The following MRPL50 variants were observed in gnomAD, a reference collection of about 807,000 sequenced individuals.
MRPL50 encodes the protein mitochondrial ribosomal protein L50.
In MRPL50, 10 loss-of-function variants were observed where a neutral mutation model predicts 16.2. That is an observed-to-expected ratio of 0.62 (90% CI 0.38 to 1.05). The LOEUF (loss-of-function observed/expected upper bound fraction) is 1.05. MRPL50 is among the 50% of genes least tolerant of loss of function. The pLI is 0.01. For missense variants in MRPL50, 213 were observed against 187.1 expected, an observed-to-expected ratio of 1.14 and a Z score of -0.81; for synonymous variants, 68 against 66.8, an observed-to-expected ratio of 1.02 and a Z score of -0.09.
chr9:101,393,910 T>C (rs1182420151), intron 1 of MRPL50, among the ~76,000 whole-genome samples: 1 of 150,594 alleles, frequency 6.6e-6, no homozygotes, highest in Non-Finnish European at 1.5e-5. Context: ...ACCAATGACG[T>C]TCTTCACAGA....
In MRPL50 at chr9:101,390,294, T is replaced by C. The variant is rs1830252092; in HGVS notation, c.*172A>G. 7.6e-7 allele frequency: 1 copy of C among 1,313,570 alleles called. No individual in the cohort carries two copies. The highest frequency in any genetic ancestry group is 9.7e-7 in the Non-Finnish European group (1 of 1,031,806). The allele number at this position is 1,313,570 out of a possible 1,614,324, so 81.4% of individuals were successfully genotyped here. A position where few individuals can be genotyped will look rare whatever the true frequency, so the allele number is the denominator to read the frequency against. On this transcript the variant is annotated 3_prime_UTR_variant, in exon 2 of 2. Transcript: ENST00000374865. ...AATATGAAAATAGAAAGTCCGTTAT[T>C]TGTCCATTTGTAATATGAGAAAAAA... is the stretch of plus-strand genomic sequence containing the variant.
intron 1 of MRPL50, among the ~76,000 whole-genome samples, chr9:101,394,596 C>T (rs887825783): frequency 3.3e-5 from 5 of 152,158 alleles, no homozygotes; most frequent in Admixed American, 2.0e-4. Context: ...GCTGACTCTG[C>T]GTGAATTACT....
At chr9:101,393,350 C>T (rs187413736) in intron 1 of MRPL50, among the ~76,000 whole-genome samples, 10 of 152,166 alleles carry the variant, frequency 6.6e-5, no homozygotes, top group Non-Finnish European at 1.2e-4. Context: ...GTATTCAACA[C>T]AGAACTTGAA....
chr9:101,393,219 T>C (rs1313748328), intron 1 of MRPL50, among the ~76,000 whole-genome samples: 2 of 151,772 alleles, frequency 1.3e-5, no homozygotes, highest in Admixed American at 1.3e-4. Flanking sequence ...ATAATAAAGG[T>C]CATGCATGAC....
At position 101,390,838 on chromosome 9, in the gene MRPL50, C is replaced by A; in HGVS notation, c.105G>T (p.Glu35Asp). 6.3e-7 allele frequency: 1 copy of A among 1,593,118 alleles called. No individual in the cohort carries two copies. Among genetic ancestry groups the A allele is most frequent in the Admixed American group, 1.8e-5 (1 of 54,940 alleles). Residue 35 changes from glutamate to aspartate, a missense_variant, in exon 2 of 2, where the codon GAG becomes GAT. Coordinates refer to ENST00000374865, the MANE Select transcript of MRPL50 (RefSeq NM_019051.3). Reference sequence around the variant, plus strand: ...CTTCTACTGTCTCAACAACCACTGGCTCTTTCTCTTTTCTGGAATGATCAA... The same window carrying A: ...CTTCTACTGTCTCAACAACCACTGGATCTTTCTCTTTTCTGGAATGATCAA... Reference protein sequence around the residue: ...EFWSRFRKEKEPVVVETVEEK... With the variant: ...EFWSRFRKEKDPVVVETVEEK...
rs1264309359 is a variant in MRPL50, at chr9:101,389,956, A to C, written c.*510T>G. The C allele has an allele frequency of 6.7e-6, 6 of 897,414 alleles. No individual in the cohort carries two copies. The allele number at this position is 897,414 out of a possible 1,614,324, so 55.6% of individuals were successfully genotyped here. A position where few individuals can be genotyped will look rare whatever the true frequency, so the allele number is the denominator to read the frequency against. On this transcript the variant is annotated 3_prime_UTR_variant, in exon 2 of 2. Coordinates refer to ENST00000374865, the MANE Select transcript of MRPL50 (RefSeq NM_019051.3). ...AGCAAATTTCACTTAAAAAATTTAC[A>C]ACACACAATACACTTTAACAAATCT...
chr9:101,393,857 G>C (rs1830304832), intron 1 of MRPL50, among the ~76,000 whole-genome samples: 1 of 151,800 alleles, frequency 6.6e-6, no homozygotes, highest in African/African-American at 2.4e-5. Context: ...AAATGCTTAT[G>C]CTACCCAAAG....
At chr9:101,394,620 A>C (rs1219639214) in intron 1 of MRPL50, among the ~76,000 whole-genome samples, 1 of 152,126 alleles carries the variant, frequency 6.6e-6, no homozygotes, top group African/African-American at 2.4e-5. Context: ...TCTCCATTGC[A>C]ATTCCTCTGC....
In MRPL50 at chr9:101,392,683, T is replaced by C. The variant is rs1467766481; in HGVS notation, c.93-1833A>G. Among the ~76,000 whole-genome samples, 4 of 152,082 alleles carry C rather than the reference T, an allele frequency of 2.6e-5. No homozygotes were observed. In the South Asian group the frequency reaches 8.3e-4, roughly 31 times the overall value. On this transcript the variant is annotated intron_variant, in intron 1 of 1. Transcript: ENST00000374865. ...GCTTAAGACCTGATGGCTTCACTAC[T>C]GAACTCTAGCAAGCATTTAAAGAAG...
rs1830229550 is a variant in MRPL50 at position 101,388,527 on chromosome 9, A to T, written c.*1939T>A. 1 of 152,102 alleles carries T rather than the reference A, an allele frequency of 6.6e-6. No individual in the cohort carries two copies. The highest frequency in any genetic ancestry group is 2.1e-4 in the South Asian group (1 of 4,826). 9.4% of individuals were successfully genotyped at this position (152,102 alleles called of 1,614,324 possible). On this transcript the variant is annotated 3_prime_UTR_variant, in exon 2 of 2. Transcript: ENST00000374865. Reference sequence around the variant, plus strand: ...CATACAGCAGGCCTTCTGTATGTAAACCCTTTAAAATTACATCATATGTTT... The same window carrying T: ...CATACAGCAGGCCTTCTGTATGTAATCCCTTTAAAATTACATCATATGTTT...
intron 1 of MRPL50, among the ~76,000 whole-genome samples, chr9:101,397,340 T>A (rs1352434065): frequency 6.6e-6 from 1 of 152,210 alleles, no homozygotes; most frequent in Non-Finnish European, 1.5e-5. Flanking sequence ...ATGAATATGA[T>A]AATTATCTTG....
chr9:101,391,496 A>T (rs1406369055), intron 1 of MRPL50, among the ~76,000 whole-genome samples: 1 of 152,132 alleles, frequency 6.6e-6, no homozygotes, highest in East Asian at 1.9e-4. Flanking sequence ...ATGGAAAAAG[A>T]TATTCCATGC....
chr9:101,395,698 T>C (rs1830330137), intron 1 of MRPL50, among the ~76,000 whole-genome samples: 1 of 150,238 alleles, frequency 6.7e-6, no homozygotes, highest in East Asian at 1.9e-4. Context: ...CGCTCCTATG[T>C]GTGAACCAAA....
Position 101,398,577 on chromosome 9 carries a change from C to T in MRPL50, c.16G>A (p.Val6Met). Residue 6 changes from valine to methionine, a missense_variant, in exon 1 of 2, where the codon GTG becomes ATG. Val to Met is a conservative substitution (Grantham distance 21, BLOSUM62 1). Transcript: ENST00000374865. Reference protein sequence around the residue: MAARSVSGITRRVFMW... With the variant: MAARSMSGITRRVFMW... ...AAGACTCTTCTGGTAATGCCCGACA[C>T]AGATCGCGCCGCCATCTTCGATGAG... is the stretch of plus-strand genomic sequence containing the variant. 2 of 1,613,880 alleles carry T rather than the reference C, an allele frequency of 1.2e-6. No individual in the cohort carries two copies. The highest frequency in any genetic ancestry group is 2.2e-5 in the East Asian group (1 of 44,878).
chr9:101,395,629 C>A (rs1437194704), intron 1 of MRPL50, among the ~76,000 whole-genome samples: 1 of 151,540 alleles, frequency 6.6e-6, no homozygotes, highest in African/African-American at 2.4e-5. Context: ...ATGGATGAAA[C>A]TGGAGGACAC....
chr9:101,393,787 G>C (rs1343705149), intron 1 of MRPL50, among the ~76,000 whole-genome samples: 1 of 151,776 alleles, frequency 6.6e-6, no homozygotes, highest in African/African-American at 2.4e-5. Context: ...AAAAATTGAA[G>C]GGGACACACA....
In MRPL50 at chr9:101,398,603, A is replaced by G; in HGVS notation, c.-11T>C. 6.2e-7 allele frequency: 1 copy of G among 1,612,966 alleles called. No individual in the cohort carries two copies. Among genetic ancestry groups the G allele is most frequent in the Non-Finnish European group, 8.5e-7 (1 of 1,179,926 alleles). On this transcript the variant is annotated 5_prime_UTR_variant, in exon 1 of 2. Transcript: ENST00000374865. Reference sequence around the variant, plus strand: ...AGATCGCGCCGCCATCTTCGATGAGATCCACGGGCCTGAGCGCAGCCTTCA... The same window carrying G: ...AGATCGCGCCGCCATCTTCGATGAGGTCCACGGGCCTGAGCGCAGCCTTCA...
At chr9:101,395,224 A>G in intron 1 of MRPL50, among the ~76,000 whole-genome samples, 1 of 152,240 alleles carries the variant, frequency 6.6e-6, no homozygotes, top group Non-Finnish European at 1.5e-5. Flanking sequence ...ATGAGGTATT[A>G]TCTCACCTGA....
intron 1 of MRPL50, among the ~76,000 whole-genome samples, chr9:101,393,428 GTTC>G (rs1252739992): frequency 6.6e-6 from 1 of 151,608 alleles, no homozygotes; most frequent in Non-Finnish European, 1.5e-5. Flanking sequence ...AAGTCAAATT[GTTC>G]TTATTTGATA....
Sources: gnomAD v4.1 joint callset for allele counts (sites outside exome capture counted in the v4.1 genomes callset) on GRCh38, gnomAD v4.1.1 for gene constraint, MANE v1.5 for transcripts, NCBI Gene and HGNC (gene_info 2026-07-23, HGNC 2026-07-21) for gene names.